Variants in CHD7 observed in about 807,000 individuals in gnomAD.
The protein encoded by CHD7 is ATP-dependent chromatin remodeler CHD7.
CHD7 carries 24 observed loss-of-function variants against 307.3 expected under a neutral mutation model. The observed-to-expected ratio is 0.08, with a 90% CI of 0.06 to 0.11. The LOEUF is 0.11. CHD7 is among the 10% of genes least tolerant of loss of function. The probability of loss-of-function intolerance (pLI) is 1.00; values close to 1 mark genes in which losing one functional copy is unlikely to be tolerated. For synonymous variants in CHD7, 1,363 were observed against 1,349.9 expected (o/e 1.01, Z -0.21); for missense variants, 3,106 against 3,727.1 (o/e 0.83, Z 4.34).
At chr8:60,699,526 T>A (rs1015654513) in intron 1 of CHD7, among the ~76,000 whole-genome samples, 20 of 140,536 alleles carry the variant, frequency 1.4e-4, no homozygotes, top group South Asian at 6.4e-4. Flanking sequence ...TAAAAAAAAA[T>A]TTTTTTTTTT....
chr8:60,852,538 T>G lies in CHD7; in HGVS notation c.5935T>G (p.Ser1979Ala). Residue 1979 changes from serine to alanine, a missense_variant, in exon 30 of 38, where the codon TCC becomes GCC. This residue lies in a region of CHD7 where 1,030 missense variants were observed against 1,165.4 expected (regional missense o/e 0.88). Coordinates refer to ENST00000423902, the MANE Select transcript of CHD7 (RefSeq NM_017780.4). ...REEADFYRVV[S>A]TFGVIFDPVK... is the part of the protein sequence containing the mutation. ...AGAGGCTGATTTTTACCGTGTGGTA[T>G]CCACCTTTGGGGTTATTTTTGACCC... is the stretch of plus-strand genomic sequence containing the variant. 6.2e-7 allele frequency: 1 copy of G among 1,613,984 alleles called. No homozygotes were observed. The highest frequency in any genetic ancestry group is 8.5e-7 in the Non-Finnish European group (1 of 1,179,860).
chr8:60,847,874 G>GGTA (rs1805283754), intron 23 of CHD7, among the ~76,000 whole-genome samples: 1 of 151,598 alleles, frequency 6.6e-6, no homozygotes. Flanking sequence ...TAGGTTCCCA[G>GGTA]GTACAGTAAA....
At chr8:60,773,161 C>T (rs984545167) in intron 2 of CHD7, among the ~76,000 whole-genome samples, 1 of 152,204 alleles carries the variant, frequency 6.6e-6, no homozygotes, top group Non-Finnish European at 1.5e-5. Flanking sequence ...CAGGGGGGTA[C>T]CCCTCTGCTT....
intron 2 of CHD7, among the ~76,000 whole-genome samples, chr8:60,743,403 C>T (rs1809159057): frequency 6.6e-6 from 1 of 152,108 alleles, no homozygotes; most frequent in African/African-American, 2.4e-5. Flanking sequence ...CTTTTGTTTC[C>T]TTCTCTCAAT....
chr8:60,792,821 G>A (rs1286511232), intron 3 of CHD7, among the ~76,000 whole-genome samples: 1 of 152,190 alleles, frequency 6.6e-6, no homozygotes, highest in African/African-American at 2.4e-5. Context: ...AGCGCGAGCT[G>A]CCAACTCACT....
chr8:60,845,181 A>G (rs1805151486), intron 22 of CHD7, 69 bp from the exon 23 acceptor site: 1 of 1,573,950 alleles, frequency 6.4e-7, no homozygotes, highest in Non-Finnish European at 8.6e-7. Context: ...TCGTGCATTA[A>G]GCTCTCTGCC....
At position 60,865,892 on chromosome 8, in the gene CHD7, G is replaced by A; in HGVS notation, c.8953G>A (p.Asp2985Asn). ...IAQGEELDSL[D>N]GGDEIENNEN... ...ACAGGGTGAAGAGCTAGACTCACTT[G>A]ATGGGGGGGATGAAATAGAAAACAA... is the stretch of plus-strand genomic sequence containing the variant. Residue 2985 changes from aspartate to asparagine, a missense_variant, in exon 38 of 38, where the codon GAT becomes AAT. This residue lies in a region of CHD7 where 351 missense variants were observed against 366.2 expected (regional missense o/e 0.96). Coordinates refer to ENST00000423902, the MANE Select transcript of CHD7 (RefSeq NM_017780.4). This position sits in a 1 kb window ranked among gnomAD's most constrained non-coding sequence, Gnocchi z 4.3. 1.2e-6 allele frequency: 2 copies of A among 1,609,348 alleles called. No individual in the cohort carries two copies. The highest frequency in any genetic ancestry group is 2.2e-5 in the East Asian group (1 of 44,824).
At chr8:60,797,221 T>C (rs1338125082) in intron 4 of CHD7, among the ~76,000 whole-genome samples, 2 of 152,220 alleles carry the variant, frequency 1.3e-5, no homozygotes, top group Non-Finnish European at 2.9e-5. Flanking sequence ...ATACTCAAAA[T>C]AAATGTAAGA....
At chr8:60,842,991 G>A (rs1388659898) in intron 21 of CHD7, among the ~76,000 whole-genome samples, 1 of 152,150 alleles carries the variant, frequency 6.6e-6, no homozygotes, top group African/African-American at 2.4e-5. Context: ...GCTGGGAGGT[G>A]ACCTACCTCC....
In CHD7 at chr8:60,780,897, TGAGTATA is replaced by T. The variant is rs142885557; in HGVS notation, c.1666-100_1666-94del. ...TATAGTTGGAAAAATATTTGCTACC[TGAGTATA>T]GAATAAGTTTCAGAAACATCAGCCA... On this transcript the variant is annotated intron_variant, in intron 2 of 37. Transcript: ENST00000423902. The T allele has an allele frequency of 0.45, 609,447 of 1,359,498 alleles. 142,624 individuals are homozygous for T. Among genetic ancestry groups the T allele is most frequent in the East Asian group, 0.52 (19,580 of 37,682 alleles). 84.2% of individuals were successfully genotyped at this position (1,359,498 alleles called of 1,614,324 possible).
At chr8:60,706,144 C>G (rs1807012000) in intron 1 of CHD7, among the ~76,000 whole-genome samples, 1 of 152,032 alleles carries the variant, frequency 6.6e-6, no homozygotes, top group Admixed American at 6.6e-5. Flanking sequence ...CACACAGACC[C>G]TTTTACACCA....
intron 2 of CHD7, among the ~76,000 whole-genome samples, chr8:60,744,617 C>T (rs1269800057): frequency 1.3e-5 from 2 of 151,024 alleles, no homozygotes; most frequent in African/African-American, 4.9e-5. Flanking sequence ...CTCTGGGAGG[C>T]CGAGGCAGGC....
intron 1 of CHD7, among the ~76,000 whole-genome samples, chr8:60,735,370 A>G (rs1476716146): frequency 1.3e-5 from 2 of 152,190 alleles, no homozygotes; most frequent in Non-Finnish European, 2.9e-5. Context: ...GCAAAATGGG[A>G]GGTAACCTAG....
intron 24 of CHD7, 44 bp downstream of exon 24, chr8:60,848,648 C>A: frequency 6.9e-7 from 1 of 1,455,242 alleles, no homozygotes; most frequent in South Asian, 1.2e-5. Flanking sequence ...GTGAGATAAT[C>A]TGGGTAGCCG....
intron 15 of CHD7, among the ~76,000 whole-genome samples, chr8:60,835,017 A>G (rs1450306316): frequency 2.0e-5 from 3 of 152,238 alleles, no homozygotes; most frequent in Non-Finnish European, 4.4e-5. Flanking sequence ...GTTAAAGTCT[A>G]GGAAACAATC....
Position 60,845,030 on chromosome 8 carries a change from G to A in CHD7, c.5017G>A (p.Asp1673Asn), listed in dbSNP as rs769563309. ...CTGGGATCTGATCACACCCACAGCG[G>A]ATGGCCAGACTCGAGCCTTGGTCAA... The part of the protein sequence containing the change: ...FIWDLITPTA[D>N]GQTRALVNHS... Residue 1673 changes from aspartate (D) to asparagine (N), a missense_variant, in exon 22 of 38, where the codon GAT (aspartate) becomes AAT (asparagine). By Grantham distance (23) the Asp-to-Asn change is conservative. This residue lies in a region of CHD7 where 28 missense variants were observed against 64.7 expected (regional missense o/e 0.43). Coordinates refer to ENST00000423902, the MANE Select transcript of CHD7 (RefSeq NM_017780.4). 115 of 1,613,846 alleles carry A rather than the reference G, an allele frequency of 7.1e-5. No homozygotes were observed. The highest frequency in any genetic ancestry group is 9.2e-5 in the Non-Finnish European group (109 of 1,179,890).
intron 34 of CHD7, among the ~76,000 whole-genome samples, chr8:60,857,341 T>C (rs1050206835): frequency 7.2e-5 from 11 of 152,208 alleles, no homozygotes; most frequent in Non-Finnish European, 1.3e-4. Flanking sequence ...TTTTAAAAAT[T>C]TGAGCTGTGC....
chr8:60,796,622 T>TC (rs1163792891), intron 4 of CHD7, among the ~76,000 whole-genome samples: 1 of 59,176 alleles, frequency 1.7e-5, no homozygotes, highest in Non-Finnish European at 3.7e-5. Context: ...TTAGGGTTTT[T>TC]TTTTTTTTTC....
chr8:60,705,407 A>G (rs1806976543), intron 1 of CHD7, among the ~76,000 whole-genome samples: 1 of 152,250 alleles, frequency 6.6e-6, no homozygotes, highest in African/African-American at 2.4e-5. Context: ...ATGCATAAAC[A>G]TGCTTATTTG....
Sources: gnomAD v4.1 joint callset for allele counts (sites outside exome capture counted in the v4.1 genomes callset) on GRCh38, gnomAD v4.1.1 for gene constraint, gnomAD v4.1.1 regional missense constraint, Gnocchi (gnomAD v3.1) non-coding constraint, MANE v1.5 for transcripts, NCBI Gene and HGNC (gene_info 2026-07-23, HGNC 2026-07-21) for gene names.